Variants in STS observed in about 807,000 individuals in gnomAD.
STS encodes steryl-sulfatase.
Under a neutral mutation model 26.8 loss-of-function variants are expected in STS, and 7 were observed. The observed-to-expected ratio is 0.26, with a 90% CI of 0.15 to 0.49. STS has a LOEUF of 0.49. Among genes scored for constraint, STS ranks in the 20% least tolerant of loss-of-function variants. The pLI is 0.98. For synonymous variants in STS, 199 were observed against 189.4 expected, an observed-to-expected ratio of 1.05 and a Z score of -0.42; for missense variants, 434 against 465.6, an observed-to-expected ratio of 0.93 and a Z score of 0.63.
intron 2 of STS, among the ~76,000 whole-genome samples, chrX:7,229,827 A>G (rs1601669502): frequency 1.8e-5 from 2 of 109,421 alleles, no homozygotes; most frequent in Admixed American, 1.9e-4. Context: ...AGGAAGGTTC[A>G]TCACATCCTG....
At chrX:7,343,758 AC>A (rs1418946078) in intron 10 of STS, among the ~76,000 whole-genome samples, 1 of 110,457 alleles carries the variant, frequency 9.1e-6, no homozygotes, top group Non-Finnish European at 1.9e-5. Flanking sequence ...TACCGCCAGC[AC>A]CCCCCGCCCC....
chrX:7,200,766 C>T (rs917674712), intron 2 of STS, among the ~76,000 whole-genome samples: 1 of 111,513 alleles, frequency 9.0e-6, no homozygotes, highest in Non-Finnish European at 1.9e-5. Context: ...TCATCTGACA[C>T]ATTTCTCTAA....
chrX:7,159,097 C>A (rs369982047), intron 1 of STS, among the ~76,000 whole-genome samples: 8 of 111,477 alleles, frequency 7.2e-5, no homozygotes, highest in African/African-American at 1.6e-4. Flanking sequence ...TTTATAGAAG[C>A]AAAGACTCAG....
At chrX:7,299,059 A>AT (rs374076953) in intron 7 of STS, among the ~76,000 whole-genome samples, 8 of 44,165 alleles carry the variant, frequency 1.8e-4, no homozygotes, top group Admixed American at 5.2e-4. Flanking sequence ...AAATAAATAT[A>AT]TTTATTTATA....
intron 7 of STS, among the ~76,000 whole-genome samples, chrX:7,291,442 A>C: frequency 8.9e-6 from 1 of 112,452 alleles, no homozygotes; most frequent in Admixed American, 9.4e-5. Flanking sequence ...GTTATAACAT[A>C]GCATATACTT....
Position 7,305,063 on chromosome X carries a change from C to T in STS, c.961C>T (p.Leu321=), listed in dbSNP as rs1569219178. 1 of 1,209,458 alleles carries T rather than the reference C, an allele frequency of 8.3e-7. No homozygotes were observed. ...DWSVGQILNL[L]DELRLANDTL... Reference sequence around the variant, plus strand: ...CCCTCCAGGGCAGATCTTGAACCTTCTGGATGAGCTGAGATTGGCTAATGA... The same window carrying T: ...CCCTCCAGGGCAGATCTTGAACCTTTTGGATGAGCTGAGATTGGCTAATGA... Residue 321 remains leucine, a synonymous_variant, in exon 8 of 11, where the codon CTG becomes TTG. Coordinates refer to ENST00000674429, the MANE Select transcript of STS (RefSeq NM_001320752.2).
intron 8 of STS, among the ~76,000 whole-genome samples, chrX:7,323,168 C>G (rs1368110267): frequency 1.8e-5 from 2 of 111,159 alleles, no homozygotes; most frequent in Non-Finnish European, 3.8e-5. Flanking sequence ...GCTGGTGTAT[C>G]TGTTTCCTAT....
chrX:7,197,831 C>T (rs886355114), intron 2 of STS, among the ~76,000 whole-genome samples: 2 of 111,366 alleles, frequency 1.8e-5, no homozygotes, highest in South Asian at 3.8e-4. Context: ...AAGATTGAGT[C>T]GCTCTGGTTC....
rs1260282451 is a variant in STS at position 7,259,699 on chromosome X, A to C, written c.733A>C (p.Ile245Leu). 6 of 1,208,867 alleles carry C rather than the reference A, an allele frequency of 5.0e-6. No individual in the cohort carries two copies. The highest frequency in any genetic ancestry group is 6.7e-6 in the Non-Finnish European group (6 of 894,927). Residue 245 changes from isoleucine (I) to leucine (L), a missense_variant, in exon 6 of 11, where the codon ATC (isoleucine) becomes CTC (leucine). This residue lies in a region of STS where 229 missense variants were observed against 288.3 expected (regional missense o/e 0.79). Coordinates refer to ENST00000674429, the MANE Select transcript of STS (RefSeq NM_001320752.2). ...CTGCTTCATGATGAGGAACTACGAG[A>C]TCATTCAGCAGCCCATGTCCTATGA... ...LNCFMMRNYEIIQQPMSYDNL... is the reference protein window; with the variant it reads ...LNCFMMRNYELIQQPMSYDNL...
chrX:7,335,293 T>C (rs1446482248), intron 10 of STS, among the ~76,000 whole-genome samples: 3 of 112,430 alleles, frequency 2.7e-5, no homozygotes, highest in African/African-American at 6.5e-5. Flanking sequence ...TTTTAATGAT[T>C]GCCATTCTAA....
intron 8 of STS, among the ~76,000 whole-genome samples, chrX:7,321,129 A>G (rs1398555126): frequency 8.9e-6 from 1 of 111,837 alleles, no homozygotes; most frequent in Non-Finnish European, 1.9e-5. Flanking sequence ...GCAGCAACAT[A>G]GATGGAGCTG....
At chrX:7,287,686 A>G (rs1231095837) in intron 7 of STS, among the ~76,000 whole-genome samples, 1 of 107,505 alleles carries the variant, frequency 9.3e-6, no homozygotes, top group South Asian at 3.9e-4. Flanking sequence ...TATTTTATTT[A>G]TTTATTTATT....
chrX:7,161,018 C>T (rs760769210), intron 1 of STS, among the ~76,000 whole-genome samples: 23 of 111,311 alleles, frequency 2.1e-4, no homozygotes, highest in Admixed American at 9.6e-5. Context: ...TGCAGTGGTG[C>T]GATCTCAGCT....
chrX:7,340,140 A>G (rs1483161719), intron 10 of STS, among the ~76,000 whole-genome samples: 1 of 109,332 alleles, frequency 9.1e-6, no homozygotes, highest in African/African-American at 3.3e-5. Context: ...CACCCAGCTT[A>G]TTCTGATCTT....
intron 1 of STS, among the ~76,000 whole-genome samples, chrX:7,166,773 A>G (rs1001426551): frequency 8.9e-6 from 1 of 111,811 alleles, no homozygotes. Context: ...GGAAGTTCAT[A>G]GAATCAAAGA....
intron 5 of STS, among the ~76,000 whole-genome samples, chrX:7,259,024 GTGT>G (rs2147088795): frequency 9.0e-6 from 1 of 110,715 alleles, no homozygotes; most frequent in South Asian, 3.8e-4. Flanking sequence ...TTGTTGTTTT[GTGT>G]TGTTTTGTTG....
intron 2 of STS, among the ~76,000 whole-genome samples, chrX:7,239,755 ACT>A (rs1253964518): frequency 1.8e-5 from 2 of 110,701 alleles, no homozygotes; most frequent in African/African-American, 6.6e-5. Context: ...ATGTTAACTG[ACT>A]CTGTTTCAGT....
At chrX:7,199,088 A>C (rs1192958998) in intron 2 of STS, among the ~76,000 whole-genome samples, 2 of 111,886 alleles carry the variant, frequency 1.8e-5, no homozygotes, top group African/African-American at 3.2e-5. Flanking sequence ...TTCTATATAA[A>C]ATTCATATTT....
At chrX:7,252,976 C>T (rs1423141757) in intron 2 of STS, among the ~76,000 whole-genome samples, 1 of 111,422 alleles carries the variant, frequency 9.0e-6, no homozygotes, top group East Asian at 2.8e-4. Context: ...CATAACAAGA[C>T]CTTATCTTTA....
Sources: gnomAD v4.1 joint callset for allele counts (sites outside exome capture counted in the v4.1 genomes callset) on GRCh38, gnomAD v4.1.1 for gene constraint, gnomAD v4.1.1 regional missense constraint, MANE v1.5 for transcripts, NCBI Gene and HGNC (gene_info 2026-07-23, HGNC 2026-07-21) for gene names.